Variants in VRK2 observed in about 807,000 individuals in gnomAD.
VRK2 encodes the protein serine/threonine-protein kinase VRK2.
In VRK2, 60 loss-of-function variants were observed where a neutral mutation model predicts 57.6. The observed-to-expected ratio is 1.04, with a 90% CI of 0.85 to 1.29. The LOEUF (loss-of-function observed/expected upper bound fraction) is 1.29, where lower values mean the gene tolerates loss of function less well. Among genes scored for constraint, VRK2 ranks in the 50% most tolerant of loss-of-function variants. The probability of loss-of-function intolerance (pLI) is 0.00; values close to 1 mark genes in which losing one functional copy is unlikely to be tolerated. For missense variants in VRK2, 705 were observed against 588.1 expected (o/e 1.20, Z -2.06); for synonymous variants, 231 against 199.2 (o/e 1.16, Z -1.35).
At chr2:58,058,016 AATT>A (rs1572885471) in intron 2 of VRK2, among the ~76,000 whole-genome samples, 1 of 152,118 alleles carries the variant, frequency 6.6e-6, no homozygotes, top group African/African-American at 2.4e-5. Flanking sequence ...GACTGTCTTT[AATT>A]TGCAATCCAA....
At chr2:57,961,503 T>C (rs534674224) in intron 1 of VRK2, among the ~76,000 whole-genome samples, 1 of 152,184 alleles carries the variant, frequency 6.6e-6, no homozygotes, top group East Asian at 1.9e-4. Flanking sequence ...AAATGTAGAT[T>C]TGGGTTTTAA....
At chr2:57,975,933 G>A (rs558679838) in intron 1 of VRK2, among the ~76,000 whole-genome samples, 99 of 151,858 alleles carry the variant, frequency 6.5e-4, no homozygotes, top group African/African-American at 2.3e-3. Flanking sequence ...TCCACCTTCA[G>A]GTAGACTCCA....
chr2:57,925,666 ATTT>A (rs1291089299), intron 1 of VRK2, among the ~76,000 whole-genome samples: 1 of 147,274 alleles, frequency 6.8e-6, no homozygotes. Context: ...GATCTTTTGA[ATTT>A]TTTTCATTTC....
At chr2:58,157,562 A>T (rs1480702843) in intron 12 of VRK2, among the ~76,000 whole-genome samples, 1 of 152,120 alleles carries the variant, frequency 6.6e-6, no homozygotes, top group African/African-American at 2.4e-5. Flanking sequence ...CATTGCCTTG[A>T]GCCCTTTGCT....
intron 7 of VRK2, among the ~76,000 whole-genome samples, chr2:58,113,183 G>T (rs1425284925): frequency 1.3e-5 from 2 of 151,710 alleles, no homozygotes; most frequent in Non-Finnish European, 2.9e-5. Flanking sequence ...GTGGCACACG[G>T]CTGTAATCCC....
chr2:58,082,334 C>T (rs1310587106), intron 2 of VRK2, among the ~76,000 whole-genome samples: 1 of 151,808 alleles, frequency 6.6e-6, no homozygotes, highest in African/African-American at 2.4e-5. Flanking sequence ...CAATTTTCTT[C>T]TGTACTTTTT....
intron 1 of VRK2, among the ~76,000 whole-genome samples, chr2:57,985,869 GA>G (rs1221874643): frequency 3.3e-5 from 5 of 151,750 alleles, no homozygotes; most frequent in African/African-American, 1.2e-4. Context: ...AAGTCAATAT[GA>G]AAAAAACCGT....
intron 1 of VRK2, chr2:58,048,533 C>T (rs750963302): frequency 3.0e-6 from 4 of 1,354,020 alleles, no homozygotes; most frequent in East Asian, 4.4e-5. Flanking sequence ...TAAGGTGTGT[C>T]CTGCACTGTT....
At chr2:57,942,764 A>C (rs916391860) in intron 1 of VRK2, among the ~76,000 whole-genome samples, 1 of 152,172 alleles carries the variant, frequency 6.6e-6, no homozygotes, top group Non-Finnish European at 1.5e-5. Flanking sequence ...CAAAGGTTCA[A>C]ATTTAATATT....
chr2:58,084,507 CAT>C (rs1179651065), intron 3 of VRK2, among the ~76,000 whole-genome samples: 8 of 151,914 alleles, frequency 5.3e-5, no homozygotes, highest in African/African-American at 1.7e-4. Context: ...GTAAAGGTAT[CAT>C]GTGTGAGTGG....
chr2:58,093,144 A>G (rs889905151), intron 7 of VRK2, among the ~76,000 whole-genome samples: 1 of 152,214 alleles, frequency 6.6e-6, no homozygotes, highest in African/African-American at 2.4e-5. Flanking sequence ...GTGTCTTTAT[A>G]GCAGCATGAT....
intron 2 of VRK2, among the ~76,000 whole-genome samples, chr2:58,059,622 T>G (rs1677037236): frequency 6.6e-6 from 1 of 151,790 alleles, no homozygotes; most frequent in Non-Finnish European, 1.5e-5. Context: ...ATAATAAAAG[T>G]CTAGGTTTTG....
chr2:58,109,099 T>A (rs945929802), intron 7 of VRK2, among the ~76,000 whole-genome samples: 1 of 152,084 alleles, frequency 6.6e-6, no homozygotes, highest in Non-Finnish European at 1.5e-5. Context: ...CACTCAGGTA[T>A]CTGTTAAGCT....
chr2:57,973,035 C>G (rs1297647711), intron 1 of VRK2, among the ~76,000 whole-genome samples: 2 of 151,894 alleles, frequency 1.3e-5, no homozygotes, highest in African/African-American at 4.8e-5. Flanking sequence ...GGAATAGATT[C>G]CTAGTAATTA....
At position 57,977,751 on chromosome 2, in the gene VRK2, G is replaced by A. The variant is rs541708111; in HGVS notation, c.-438-47914G>A. Among the ~76,000 whole-genome samples, 120 of 151,068 alleles carry A rather than the reference G, an allele frequency of 7.9e-4. 11 individuals carry two copies. The highest frequency in any genetic ancestry group is 2.8e-3 in the African/African-American group (112 of 40,518). On this transcript the variant is annotated intron_variant, in intron 1 of 15. Transcript: ENST00000417641. ...TGGCTCTGTTTAGGGCTTCCAGTACGATGTTGAATAGGAATGGTGACAATG... is the reference window on the plus strand; with the variant it reads ...TGGCTCTGTTTAGGGCTTCCAGTACAATGTTGAATAGGAATGGTGACAATG...
chr2:57,983,018 C>G (rs1231845705), intron 1 of VRK2, among the ~76,000 whole-genome samples: 1 of 152,184 alleles, frequency 6.6e-6, no homozygotes, highest in Non-Finnish European at 1.5e-5. Flanking sequence ...CACCCCTTCC[C>G]TAGGAGCTGC....
At chr2:58,149,886 G>T (rs1028804745) in intron 12 of VRK2, among the ~76,000 whole-genome samples, 1 of 151,136 alleles carries the variant, frequency 6.6e-6, no homozygotes, top group Non-Finnish European at 1.5e-5. Flanking sequence ...TTTTCCTGCT[G>T]AATTCTGTTT....
At chr2:57,939,046 G>C (rs970941) in intron 1 of VRK2, among the ~76,000 whole-genome samples, 1 of 151,914 alleles carries the variant, frequency 6.6e-6, no homozygotes, top group Non-Finnish European at 1.5e-5. Context: ...CTGAAACTAT[G>C]TTTGAAGAGG....
chr2:57,995,005 T>C (rs1430693958), intron 1 of VRK2, among the ~76,000 whole-genome samples: 1 of 152,206 alleles, frequency 6.6e-6, no homozygotes, highest in Non-Finnish European at 1.5e-5. Context: ...TATGTTCTTA[T>C]ACAGAAATTT....
Sources: allele counts gnomAD v4.1 joint callset (sites outside exome capture counted in the v4.1 genomes callset), GRCh38; gene constraint gnomAD v4.1.1; transcripts MANE v1.5; gene names NCBI Gene and HGNC (gene_info 2026-07-23, HGNC 2026-07-21).